TUT7: variants seen among roughly 807,000 people sequenced by gnomAD.
TUT7 encodes the protein terminal uridylyltransferase 7.
Under a neutral mutation model 165.9 loss-of-function variants are expected in TUT7, and 33 were observed. That is an observed-to-expected ratio of 0.20 (90% CI 0.15 to 0.27). TUT7 has a LOEUF of 0.27. Among genes scored for constraint, TUT7 ranks in the 10% least tolerant of loss-of-function variants. The pLI, the probability that TUT7 is intolerant of heterozygous loss-of-function variation, is 1.00. For missense variants in TUT7, 1,338 were observed against 1,762.3 expected (o/e 0.76, Z 4.31); for synonymous variants, 552 against 608.1 (o/e 0.91, Z 1.36).
chr9:86,297,246 C>T (rs1277741339), intron 26 of TUT7, among the ~76,000 whole-genome samples: 1 of 152,192 alleles, frequency 6.6e-6, no homozygotes, highest in Non-Finnish European at 1.5e-5. Context: ...ATCACCACCA[C>T]GAACCTTTTC....
In TUT7 at chr9:86,319,694, T is replaced by C. The variant is rs371337970; in HGVS notation, c.3029-24A>G. On this transcript the variant is annotated intron_variant, in intron 14 of 26. Transcript: ENST00000375963. ...CTCTGTTTAAAAATAAATAGACATA[T>C]TGACAAAATAAGCCGGTTGACACTC... 230 of 1,517,440 alleles carry C rather than the reference T, an allele frequency of 1.5e-4. 1 individual carries two copies. In the South Asian group the frequency reaches 2.6e-3, roughly 17 times the overall value. The allele number at this position is 1,517,440 out of a possible 1,614,324, so 94.0% of individuals were successfully genotyped here. A position where few individuals can be genotyped will look rare whatever the true frequency, so the allele number is the denominator to read the frequency against.
intron 10 of TUT7, among the ~76,000 whole-genome samples, chr9:86,335,590 T>C (rs889452218): frequency 6.6e-6 from 1 of 152,202 alleles, no homozygotes; most frequent in Non-Finnish European, 1.5e-5. Flanking sequence ...TTTCAGGCAC[T>C]ACTACAATGA....
At chr9:86,347,909 T>C (rs1425139435) in intron 2 of TUT7, among the ~76,000 whole-genome samples, 1 of 152,156 alleles carries the variant, frequency 6.6e-6, no homozygotes, top group Non-Finnish European at 1.5e-5. Context: ...GCACTTCTTT[T>C]ACTTAGAGAT....
rs1020723279 is a variant in TUT7 at position 86,308,599 on chromosome 9, T to C, written c.3668A>G (p.Tyr1223Cys). The stretch of plus-strand genomic sequence containing the variant: ...TGTATTTTTTCCACATTCTGACCAA[T>C]AGGTAGGCTAGAAATAGAAGGGAAC... ...FFDQIDELPTYWSECGKNTES... is the reference protein window; with the variant it reads ...FFDQIDELPTCWSECGKNTES... Residue 1223 changes from tyrosine to cysteine, a missense_variant, in exon 22 of 27, where the codon TAT becomes TGT. Tyr to Cys is a radical substitution (Grantham distance 194). Coordinates refer to ENST00000375963, the MANE Select transcript of TUT7 (RefSeq NM_024617.4). The C allele has an allele frequency of 1.2e-6, 2 of 1,610,904 alleles. No individual in the cohort carries two copies. Among genetic ancestry groups the C allele is most frequent in the Non-Finnish European group, 1.7e-6 (2 of 1,178,744 alleles).
At position 86,322,925 on chromosome 9, in the gene TUT7, T is replaced by G; in HGVS notation, c.2825A>C (p.Asp942Ala). The G allele has an allele frequency of 2.5e-6, 4 of 1,573,872 alleles. No homozygotes were observed. The highest frequency in any genetic ancestry group is 3.4e-6 in the Non-Finnish European group (4 of 1,163,064). ...NVCEEKNSPV[D>A]QSDFFYEFSK... ...GAATTCATAAAAAAAATCAGACTGA[T>G]CCACAGGTGAATTTTTTTCTTCACA... Residue 942 changes from aspartate (D) to alanine (A), a missense_variant, in exon 13 of 27, where the codon GAT becomes GCT. Around this residue, in one of 7 missense-constraint regions of TUT7, gnomAD observed 425 missense variants for 474.9 expected, o/e 0.89. Transcript: ENST00000375963.
chr9:86,294,848 G>A (rs940053633), intron 26 of TUT7, among the ~76,000 whole-genome samples: 2 of 150,156 alleles, frequency 1.3e-5, no homozygotes, highest in South Asian at 2.1e-4. Context: ...CCATTAACTC[G>A]TCATTTAGCA....
intron 26 of TUT7, among the ~76,000 whole-genome samples, chr9:86,297,802 T>G (rs1826470672): frequency 6.6e-6 from 1 of 151,794 alleles, no homozygotes; most frequent in Non-Finnish European, 1.5e-5. Context: ...TCATTTCACT[T>G]TGAGGGAGAA....
intron 26 of TUT7, among the ~76,000 whole-genome samples, chr9:86,291,276 G>T (rs977893490): frequency 7.9e-5 from 12 of 152,182 alleles, no homozygotes; most frequent in Non-Finnish European, 1.5e-4. Flanking sequence ...CACAGAAGAG[G>T]AACTCCAAAT....
chr9:86,325,304 G>C, intron 12 of TUT7, 30 bp downstream of exon 12: 8 of 1,601,430 alleles, frequency 5.0e-6, no homozygotes, highest in Non-Finnish European at 6.8e-6. Flanking sequence ...AAAAAGAGTG[G>C]GGGGGAATAA....
At chr9:86,341,113 TAA>T (rs201019389) in intron 6 of TUT7, 60 bp from the exon 7 acceptor site, 37,466 of 1,433,526 alleles carry the variant, frequency 0.026, 596 homozygotes, top group Non-Finnish European at 0.029. Flanking sequence ...TTCACTGATA[TAA>T]GAGTCATCCG....
At chr9:86,345,952 T>C (rs1588013352) in intron 3 of TUT7, among the ~76,000 whole-genome samples, 167 bp from the exon 4 acceptor site, 1 of 152,246 alleles carries the variant, frequency 6.6e-6, no homozygotes, top group Non-Finnish European at 1.5e-5. Context: ...ACAGATACCA[T>C]TATAGCATAC....
At chr9:86,299,814 A>C (rs1180228683) in intron 26 of TUT7, among the ~76,000 whole-genome samples, 2 of 152,212 alleles carry the variant, frequency 1.3e-5, no homozygotes, top group Non-Finnish European at 2.9e-5. Flanking sequence ...AAAGAGGAAG[A>C]CTGTAATAAT....
At chr9:86,309,071 G>A in intron 21 of TUT7, 141 bp downstream of exon 21, 1 of 558,994 alleles carries the variant, frequency 1.8e-6, no homozygotes, top group South Asian at 2.5e-5. Flanking sequence ...ATCAAAGAAA[G>A]CATCTGAAAA....
chr9:86,352,571 T>C (rs1355737478), intron 2 of TUT7, 109 bp downstream of exon 2: 1 of 1,289,826 alleles, frequency 7.8e-7, no homozygotes, highest in East Asian at 2.3e-5. Context: ...AAACAGAAAC[T>C]GTGAAAAACT....
chr9:86,307,439 T>G (rs1349408336), intron 22 of TUT7, among the ~76,000 whole-genome samples: 1 of 152,212 alleles, frequency 6.6e-6, no homozygotes, highest in Non-Finnish European at 1.5e-5. Context: ...TTTACAAAAG[T>G]TCATTGTATT....
Position 86,325,508 on chromosome 9 carries a change from A to C in TUT7, c.1615T>G (p.Leu539Val). Residue 539 changes from leucine (L) to valine (V), a missense_variant, in exon 12 of 27, where the codon TTA (leucine) becomes GTA (valine). Coordinates refer to ENST00000375963, the MANE Select transcript of TUT7 (RefSeq NM_024617.4). ...GGCTGGTGTTTCACATCCAATATTAATGACACCTATTAATAGCAAAGAGAA... is the reference window on the plus strand; with the variant it reads ...GGCTGGTGTTTCACATCCAATATTACTGACACCTATTAATAGCAAAGAGAA... Reference protein sequence around the residue: ...ETPIKRGQVSLILDVKHQPSV... With the variant: ...ETPIKRGQVSVILDVKHQPSV... The C allele has an allele frequency of 6.2e-7, 1 of 1,613,150 alleles. No homozygotes were observed. Among genetic ancestry groups the C allele is most frequent in the Non-Finnish European group, 8.5e-7 (1 of 1,179,420 alleles).
chr9:86,319,706 G>A (rs1036606762), intron 14 of TUT7, 36 bp from the exon 15 acceptor site: 7 of 1,388,598 alleles, frequency 5.0e-6, no homozygotes, highest in Non-Finnish European at 5.0e-6. Context: ...GACAAAATAA[G>A]CCGGTTGACA....
intron 17 of TUT7, among the ~76,000 whole-genome samples, chr9:86,312,654 GT>G (rs1828285030): frequency 2.0e-5 from 3 of 152,378 alleles, no homozygotes; most frequent in East Asian, 3.9e-4. Context: ...GACAATGGCG[GT>G]TTTGTGGAAT....
rs1183541238 is a variant in TUT7 at position 86,301,319 on chromosome 9, T to A, written c.4377A>T (p.Glu1459Asp). 1 of 1,614,206 alleles carries A rather than the reference T, an allele frequency of 6.2e-7. No homozygotes were observed. The highest frequency in any genetic ancestry group is 2.2e-5 in the East Asian group (1 of 44,888). Residue 1459 changes from glutamate (E) to aspartate (D), a missense_variant, in exon 26 of 27, where the codon GAA becomes GAT. Around this residue, in one of 7 missense-constraint regions of TUT7, gnomAD observed 167 missense variants for 204.9 expected, o/e 0.82. Coordinates refer to ENST00000375963, the MANE Select transcript of TUT7 (RefSeq NM_024617.4). ...REKRCFICGREGHIKKECPQF... is the reference protein window; with the variant it reads ...REKRCFICGRDGHIKKECPQF... The stretch of plus-strand genomic sequence containing the variant: ...GTGGGCATTCCTTTTTAATGTGCCC[T>A]TCTCTTCCACAAATAAAACAACGTT...
Sources: gnomAD v4.1 joint callset for allele counts (sites outside exome capture counted in the v4.1 genomes callset) on GRCh38, gnomAD v4.1.1 for gene constraint, gnomAD v4.1.1 regional missense constraint, MANE v1.5 for transcripts, NCBI Gene and HGNC (gene_info 2026-07-23, HGNC 2026-07-21) for gene names.